The following SPEF2 variants were observed in gnomAD, a reference collection of about 807,000 sequenced individuals.
SPEF2 encodes the protein sperm flagella and cilia-associated protein 2.
In SPEF2, 187 loss-of-function variants were observed where a neutral mutation model predicts 224.6. The observed-to-expected ratio is 0.83, with a 90% CI of 0.74 to 0.94. SPEF2 has a LOEUF of 0.94. SPEF2 is among the 40% of genes least tolerant of loss of function. SPEF2 has a pLI of 0.00. For missense variants in SPEF2, 2,170 were observed against 2,135.6 expected (o/e 1.02, Z -0.32); for synonymous variants, 715 against 707.3 (o/e 1.01, Z -0.17).
chr5:35,695,772 C>A lies in SPEF2; in HGVS notation c.2013C>A (p.Val671=). The A allele has an allele frequency of 6.2e-7, 1 of 1,609,714 alleles. No individual in the cohort carries two copies. Among genetic ancestry groups the A allele is most frequent in the South Asian group, 1.1e-5 (1 of 90,070 alleles). ...NADKTPKAEE[V]KSSDSFLKLT... is the part of the protein sequence containing the mutation. ...ATAAAACACCAAAAGCTGAAGAAGT[C>A]AAATCAAGTGATAGTTTCTTAAAAG... Residue 671 remains valine, a synonymous_variant, in exon 14 of 37, where the codon GTC becomes GTA. Coordinates refer to ENST00000356031, the MANE Select transcript of SPEF2 (RefSeq NM_024867.4).
chr5:35,667,276 T>C lies in SPEF2; in HGVS notation c.1355+17T>C. 3 of 1,581,318 alleles carry C rather than the reference T, an allele frequency of 1.9e-6. No homozygotes were observed. The highest frequency in any genetic ancestry group is 2.6e-6 in the Non-Finnish European group (3 of 1,158,436). On this transcript the variant is annotated intron_variant, in intron 9 of 36. Coordinates refer to ENST00000356031, the MANE Select transcript of SPEF2 (RefSeq NM_024867.4). ...GACAAATAAGTAAGTATTTTTTTTG[T>C]AATAACAGTAGAGACACGATAGAGA...
At chr5:35,718,281 G>A (rs1271988803) in intron 20 of SPEF2, among the ~76,000 whole-genome samples, 2 of 152,162 alleles carry the variant, frequency 1.3e-5, no homozygotes, top group African/African-American at 2.4e-5. Context: ...TTTGGAGGAT[G>A]CATCTGAGGG....
chr5:35,736,970 T>A (rs1329724619), intron 21 of SPEF2, among the ~76,000 whole-genome samples: 1 of 152,200 alleles, frequency 6.6e-6, no homozygotes, highest in Non-Finnish European at 1.5e-5. Flanking sequence ...CCAGTCTGCT[T>A]TTACTTTGGT....
intron 1 of SPEF2, among the ~76,000 whole-genome samples, chr5:35,618,451 T>A (rs1227354959): frequency 1.3e-5 from 2 of 152,162 alleles, no homozygotes; most frequent in Admixed American, 6.5e-5. Context: ...CGATGCCTCC[T>A]TCACATCACC....
intron 10 of SPEF2, among the ~76,000 whole-genome samples, chr5:35,682,065 C>CTGTGCCAAGGGAAAGTGG (rs976237821): frequency 4.6e-5 from 7 of 152,142 alleles, no homozygotes; most frequent in African/African-American, 1.7e-4. Flanking sequence ...TTACAAAGTG[C>CTGTGCCAAGGGAAAGTGG]TGTGCCAAGG....
intron 16 of SPEF2, among the ~76,000 whole-genome samples, chr5:35,700,996 C>A (rs1207150852): frequency 6.6e-6 from 1 of 152,156 alleles, no homozygotes; most frequent in Admixed American, 6.5e-5. Flanking sequence ...TTTCCATCAA[C>A]TTGGGAGTTC....
At position 35,670,215 on chromosome 5, in the gene SPEF2, T is replaced by C; in HGVS notation, c.1512T>C (p.Tyr504=). 2 of 1,608,602 alleles carry C rather than the reference T, an allele frequency of 1.2e-6. No homozygotes were observed. The highest frequency in any genetic ancestry group is 2.2e-5 in the South Asian group (2 of 90,054). Residue 504 remains tyrosine, a synonymous_variant, in exon 10 of 37, where the codon TAT becomes TAC. Coordinates refer to ENST00000356031, the MANE Select transcript of SPEF2 (RefSeq NM_024867.4). ...EKRDLLDTND[Y]EEYKNMVGEW... ...GGGACTTGCTAGATACCAATGATTA[T>C]GAAGAATATAAGGTACCTACTGATA...
At chr5:35,690,326 G>A (rs1406803317) in intron 10 of SPEF2, among the ~76,000 whole-genome samples, 1 of 152,058 alleles carries the variant, frequency 6.6e-6, no homozygotes. Context: ...GGCATTTTAG[G>A]CTAAGGGGCA....
At chr5:35,718,643 A>G (rs10434594) in intron 20 of SPEF2, among the ~76,000 whole-genome samples, 105,748 of 152,012 alleles carry the variant, frequency 0.7, 37,802 homozygotes, top group Middle Eastern at 0.79. Context: ...CCTCTTACCC[A>G]TGTATGCCTT....
rs147757040 is a variant in SPEF2, at chr5:35,762,377, G to A, written c.3621-1145G>A. Among the ~76,000 whole-genome samples, 324 of 152,290 alleles carry A rather than the reference G, an allele frequency of 2.1e-3. 1 individual carries two copies. Among genetic ancestry groups the A allele is most frequent in the Non-Finnish European group, 3.1e-3 (213 of 68,036 alleles). On this transcript the variant is annotated intron_variant, in intron 25 of 36. Transcript: ENST00000356031. ...AGAAGTGATCGCACAAGCCTTACCC[G>A]AACTTATTGAACACATGAATCACAG...
In SPEF2 at chr5:35,807,149, C is replaced by T. The variant is rs746563812; in HGVS notation, c.5275C>T (p.Gln1759Ter). 1 of 1,612,720 alleles carries T rather than the reference C, an allele frequency of 6.2e-7. No homozygotes were observed. Among genetic ancestry groups the T allele is most frequent in the East Asian group, 2.2e-5 (1 of 44,868 alleles). ...IYAEGFIKTF[Q>*]DLGAKNLEPI... ...CTTAAAGGGCTTCATAAAAACATTT[C>T]AAGACCTAGGTGCCAAGAACCTGGA... Residue 1759 changes from glutamine (Q) to a stop codon, truncating the protein, a stop_gained, in exon 36 of 37, where the codon CAA becomes TAA. Transcript: ENST00000356031. LOFTEE classifies it high-confidence loss of function.
Position 35,789,032 on chromosome 5 carries a change from G to A in SPEF2, c.4448-3308G>A, listed in dbSNP as rs868247696. The A allele has an allele frequency of 2.5e-5, 17 of 686,772 alleles. No individual in the cohort carries two copies. The Middle Eastern group carries it at 9.3e-4, about 38-fold the overall frequency. The allele number at this position is 686,772 out of a possible 1,614,324, so 42.5% of individuals were successfully genotyped here. A position where few individuals can be genotyped will look rare whatever the true frequency, so the allele number is the denominator to read the frequency against. On this transcript the variant is annotated intron_variant, in intron 30 of 36. Coordinates refer to ENST00000356031, the MANE Select transcript of SPEF2 (RefSeq NM_024867.4). ...TGCAATTGTTCGGCAACTGCACTCAGTAAGTAATTTTGAAATATCGTATTA... is the reference window on the plus strand; with the variant it reads ...TGCAATTGTTCGGCAACTGCACTCAATAAGTAATTTTGAAATATCGTATTA...
intron 2 of SPEF2, among the ~76,000 whole-genome samples, chr5:35,639,965 G>C (rs2149397680): frequency 6.6e-6 from 1 of 152,110 alleles, no homozygotes; most frequent in South Asian, 2.1e-4. Flanking sequence ...TTACACACAA[G>C]TTCTGTTCCC....
intron 31 of SPEF2, 118 bp downstream of exon 31, chr5:35,792,564 G>T: frequency 1.4e-6 from 1 of 722,602 alleles, no homozygotes; most frequent in South Asian, 2.3e-5. Context: ...GGCAATCAAT[G>T]AAATGTGAGT....
chr5:35,706,469 A>C (rs1739790389), intron 18 of SPEF2, among the ~76,000 whole-genome samples: 1 of 152,078 alleles, frequency 6.6e-6, no homozygotes, highest in Non-Finnish European at 1.5e-5. Context: ...AGAGATTTTA[A>C]CTTCAGTCCA....
chr5:35,685,323 C>T (rs1277702917), intron 10 of SPEF2, among the ~76,000 whole-genome samples: 1 of 152,226 alleles, frequency 6.6e-6, no homozygotes, highest in East Asian at 1.9e-4. Context: ...GCAGTGTTCT[C>T]ATATCAGAAA....
intron 11 of SPEF2, 94 bp from the exon 12 acceptor site, chr5:35,692,476 A>G: frequency 1.1e-6 from 1 of 924,566 alleles, no homozygotes; most frequent in Non-Finnish European, 1.6e-6. Flanking sequence ...GCGGGCCTGA[A>G]AGACAGTGTT....
intron 9 of SPEF2, among the ~76,000 whole-genome samples, chr5:35,669,775 C>T (rs1385323764): frequency 6.6e-6 from 1 of 152,010 alleles, no homozygotes; most frequent in African/African-American, 2.4e-5. Context: ...TTTAAATGCT[C>T]TAGTATCAGT....
At chr5:35,636,915 G>A (rs1745909757) in intron 2 of SPEF2, among the ~76,000 whole-genome samples, 2 of 150,662 alleles carry the variant, frequency 1.3e-5, no homozygotes, top group Admixed American at 6.6e-5. Flanking sequence ...GATGGAGGTT[G>A]CAATGAGCTA....
Sources: gnomAD v4.1 joint callset for allele counts (sites outside exome capture counted in the v4.1 genomes callset) on GRCh38, gnomAD v4.1.1 for gene constraint, MANE v1.5 for transcripts, NCBI Gene and HGNC (gene_info 2026-07-23, HGNC 2026-07-21) for gene names.